PRRC2B: variants seen among roughly 807,000 people sequenced by gnomAD.
PRRC2B encodes protein PRRC2B.
Under a neutral mutation model 242.3 loss-of-function variants are expected in PRRC2B, and 68 were observed. That is an observed-to-expected ratio of 0.28 (90% CI 0.23 to 0.34). The LOEUF is 0.34. Among genes scored for constraint, PRRC2B ranks in the 10% least tolerant of loss-of-function variants. The pLI, the probability that PRRC2B is intolerant of heterozygous loss-of-function variation, is 1.00. For missense variants in PRRC2B, 2,835 were observed against 2,954.8 expected (o/e 0.96, Z 0.94); for synonymous variants, 1,228 against 1,173.6 (o/e 1.05, Z -0.95).
At chr9:131,380,896 AAAAG>A (rs1160035831) in intron 1 of PRRC2B, among the ~76,000 whole-genome samples, 2 of 151,630 alleles carry the variant, frequency 1.3e-5, no homozygotes, top group African/African-American at 4.8e-5. Flanking sequence ...CAAAAAAAAA[AAAAG>A]AGTGATTTGT....
chr9:131,478,682 C>A (rs747861278), intron 18 of PRRC2B, 63 bp downstream of exon 18: 5 of 1,228,632 alleles, frequency 4.1e-6, no homozygotes, highest in South Asian at 1.3e-5. Context: ...CCCAGGAAAC[C>A]CAGAGCCAGA....
intron 1 of PRRC2B, among the ~76,000 whole-genome samples, chr9:131,374,782 C>T (rs940179678): frequency 1.3e-5 from 2 of 152,106 alleles, no homozygotes; most frequent in Non-Finnish European, 2.9e-5. Flanking sequence ...CCATGTTGGC[C>T]TTCCAAAGTG....
intron 2 of PRRC2B, 148 bp from the exon 3 acceptor site, chr9:131,432,469 T>G (rs1021763239): frequency 2.2e-5 from 15 of 683,644 alleles, no homozygotes; most frequent in Non-Finnish European, 3.4e-5. Flanking sequence ...AAACACTTGT[T>G]TGTCCCACTG....
At position 131,496,047 on chromosome 9, in the gene PRRC2B, C is replaced by T. The variant is rs899316295; in HGVS notation, c.*173C>T. 2.1e-5 allele frequency: 18 copies of T among 867,746 alleles called. No homozygotes were observed. Among genetic ancestry groups the T allele is most frequent in the East Asian group, 5.4e-5 (2 of 37,116 alleles). The allele number at this position is 867,746 out of a possible 1,614,324, so 53.8% of individuals were successfully genotyped here. ...GCTCCGTTGTCAACCAGCTTGCACC[C>T]GTGGATATATGGCATTGACCCGCTT... On this transcript the variant is annotated 3_prime_UTR_variant, in exon 32 of 32. Coordinates refer to ENST00000683519, the MANE Select transcript of PRRC2B (RefSeq NM_013318.4).
Position 131,487,149 on chromosome 9 carries a change from C to A in PRRC2B, c.5857-18C>A. ...GGGCCTTGCGGTTACCTCCCCGACCCCGTTTTCCCGTTCACAGGCCGCCGC... is the reference window on the plus strand; with the variant it reads ...GGGCCTTGCGGTTACCTCCCCGACCACGTTTTCCCGTTCACAGGCCGCCGC... On this transcript the variant is annotated intron_variant, in intron 26 of 31. Transcript: ENST00000683519. This position sits in a 1 kb window ranked among gnomAD's most constrained non-coding sequence, Gnocchi z 5.3. The A allele has an allele frequency of 6.2e-7, 1 of 1,612,504 alleles. No homozygotes were observed. The highest frequency in any genetic ancestry group is 1.1e-5 in the South Asian group (1 of 90,940).
At chr9:131,428,924 C>T (rs1165397074) in intron 1 of PRRC2B, among the ~76,000 whole-genome samples, 1 of 152,218 alleles carries the variant, frequency 6.6e-6, no homozygotes, top group Non-Finnish European at 1.5e-5. Context: ...GTGCCTGGCA[C>T]ACAGGCCCTT....
In PRRC2B at chr9:131,479,364, G is replaced by A. The variant is rs763964843; in HGVS notation, c.4871G>A (p.Gly1624Asp). The A allele has an allele frequency of 6.2e-7, 1 of 1,613,846 alleles. No individual in the cohort carries two copies. Among genetic ancestry groups the A allele is most frequent in the Non-Finnish European group, 8.5e-7 (1 of 1,179,840 alleles). ...GTGACCGTGCCTGGCAGCAGCCTGG[G>A]CACTGAGATCTGGGAGAGCAGCAGC... ...GDVTVPGSSL[G>D]TEIWESSSQA... Residue 1624 changes from glycine (G) to aspartate (D), a missense_variant, in exon 19 of 32, where the codon GGC (glycine) becomes GAC (aspartate). By Grantham distance (94) the Gly-to-Asp change is moderately conservative (BLOSUM62 -1). Coordinates refer to ENST00000683519, the MANE Select transcript of PRRC2B (RefSeq NM_013318.4).
intron 1 of PRRC2B, among the ~76,000 whole-genome samples, chr9:131,377,259 C>T (rs959190976): frequency 2.0e-5 from 3 of 152,092 alleles, no homozygotes; most frequent in African/African-American, 7.2e-5. Context: ...GGATTACTGG[C>T]ACACGCCACC....
chr9:131,427,441 C>T (rs1838006854), intron 1 of PRRC2B, among the ~76,000 whole-genome samples: 1 of 152,124 alleles, frequency 6.6e-6, no homozygotes, highest in Non-Finnish European at 1.5e-5. Flanking sequence ...CGCCATTCTC[C>T]TGCCTCAGCC....
At chr9:131,376,899 C>A (rs538928015) in intron 1 of PRRC2B, among the ~76,000 whole-genome samples, 1 of 151,952 alleles carries the variant, frequency 6.6e-6, no homozygotes, top group Non-Finnish European at 1.5e-5. Context: ...CCCAGGTACT[C>A]GAGACACTGA....
At chr9:131,399,577 T>C (rs1020850448) in intron 1 of PRRC2B, among the ~76,000 whole-genome samples, 1 of 152,050 alleles carries the variant, frequency 6.6e-6, no homozygotes, top group African/African-American at 2.4e-5. Context: ...AGACTCCATC[T>C]GAAAAAAAAG....
chr9:131,444,746 C>G (rs1289408302), intron 6 of PRRC2B, among the ~76,000 whole-genome samples: 1 of 152,144 alleles, frequency 6.6e-6, no homozygotes, highest in East Asian at 1.9e-4. Context: ...TCCCCCAGCC[C>G]AATTAGGACC....
chr9:131,491,777 A>G (rs906342438), intron 29 of PRRC2B, among the ~76,000 whole-genome samples, 197 bp downstream of exon 29: 1 of 152,214 alleles, frequency 6.6e-6, no homozygotes, highest in African/African-American at 2.4e-5. Flanking sequence ...GCTGAGGGCC[A>G]GGAATCAGCA....
chr9:131,479,264 G>A lies in PRRC2B; in HGVS notation c.4771G>A (p.Gly1591Ser). 6.2e-7 allele frequency: 1 copy of A among 1,613,810 alleles called. No homozygotes were observed. Among genetic ancestry groups the A allele is most frequent in the East Asian group, 2.2e-5 (1 of 44,884 alleles). ...KEQAVQVPVK[G>S]RGLSSRIPPR... Reference sequence around the variant, plus strand: ...TTCTTCCCCTCAGGTGCCTGTCAAAGGTCGAGGCCTTTCCTCCCGTATTCC... The same window carrying A: ...TTCTTCCCCTCAGGTGCCTGTCAAAAGTCGAGGCCTTTCCTCCCGTATTCC... Residue 1591 changes from glycine (G) to serine (S), a missense_variant, in exon 19 of 32, where the codon GGT becomes AGT. By Grantham distance (56) the Gly-to-Ser change is moderately conservative. Coordinates refer to ENST00000683519, the MANE Select transcript of PRRC2B (RefSeq NM_013318.4).
chr9:131,378,508 G>A (rs1200332223), intron 1 of PRRC2B, among the ~76,000 whole-genome samples: 2 of 152,034 alleles, frequency 1.3e-5, no homozygotes, highest in African/African-American at 4.8e-5. Flanking sequence ...TGTTCCCACA[G>A]GTCAGGTCCC....
Position 131,475,559 on chromosome 9 carries a change from C to A in PRRC2B, c.3430C>A (p.Leu1144Ile). Residue 1144 changes from leucine to isoleucine, a missense_variant, in exon 16 of 32, where the codon CTT becomes ATT. Physicochemically the swap from Leu to Ile is conservative, Grantham distance 5. This residue lies in a region of PRRC2B where 1,536 missense variants were observed against 1,483.1 expected (regional missense o/e 1.04). Coordinates refer to ENST00000683519, the MANE Select transcript of PRRC2B (RefSeq NM_013318.4). ...TAGCGAGGGCTCAGAGTATGAAGAA[C>A]TTCCCAAGCGCCGCCGGCAGAGGGG... ...THSEGSEYEELPKRRRQRGSE... is the reference protein window; with the variant it reads ...THSEGSEYEEIPKRRRQRGSE... 6.2e-7 allele frequency: 1 copy of A among 1,612,842 alleles called. No homozygotes were observed. Among genetic ancestry groups the A allele is most frequent in the Non-Finnish European group, 8.5e-7 (1 of 1,179,834 alleles).
At position 131,499,787 on chromosome 9, in the gene PRRC2B, C is replaced by T. The variant is rs1241438701; in HGVS notation, c.*3913C>T. ...GCTAAGGCTCTGTGTGGACGCCTTT[C>T]TCCCGTGATCTAAAGGGGACACTGT... On this transcript the variant is annotated 3_prime_UTR_variant, in exon 32 of 32. Coordinates refer to ENST00000683519, the MANE Select transcript of PRRC2B (RefSeq NM_013318.4). 1 of 152,206 alleles carries T rather than the reference C, an allele frequency of 6.6e-6. No homozygotes were observed. Among genetic ancestry groups the T allele is most frequent in the Non-Finnish European group, 1.5e-5 (1 of 68,030 alleles). The allele number at this position is 152,206 out of a possible 1,614,324, so 9.4% of individuals were successfully genotyped here.
chr9:131,484,593 C>G (rs1943962009), intron 23 of PRRC2B, 93 bp from the exon 24 acceptor site: 16 of 997,056 alleles, frequency 1.6e-5, no homozygotes, highest in Middle Eastern at 2.2e-4. Context: ...TTTGGACGAG[C>G]CTTGAGTGTG....
rs116429795 is a variant in PRRC2B, at chr9:131,493,125, A to G, written c.6473+865A>G. Among the ~76,000 whole-genome samples the G allele has an allele frequency of 5.9e-3, 658 of 111,978 alleles. 9 individuals are homozygous for G. The highest frequency in any genetic ancestry group is 0.02 in the African/African-American group (636 of 31,804). The allele number at this position is 111,978 out of a possible 152,430, so 73.5% of individuals were successfully genotyped here. On this transcript the variant is annotated intron_variant, in intron 30 of 31. Coordinates refer to ENST00000683519, the MANE Select transcript of PRRC2B (RefSeq NM_013318.4). ...ATGGTCTGCAAGTTGCTCCAGCTGC[A>G]CCCCCTCTGCCTTGCTGCCCTCCCT...
Sources: allele counts gnomAD v4.1 joint callset (sites outside exome capture counted in the v4.1 genomes callset), GRCh38; gene constraint gnomAD v4.1.1; regional missense constraint gnomAD v4.1.1; non-coding constraint Gnocchi (gnomAD v3.1); transcripts MANE v1.5; gene names NCBI Gene and HGNC (gene_info 2026-07-23, HGNC 2026-07-21).